The following DENND4C variants were observed in gnomAD, a reference collection of about 807,000 sequenced individuals.
DENND4C encodes the protein DENN domain-containing protein 4C.
A neutral mutation model predicts 203.0 loss-of-function variants in DENND4C; 108 were observed. The observed-to-expected ratio is 0.53, with a 90% confidence interval of 0.46 to 0.62. The LOEUF (loss-of-function observed/expected upper bound fraction) is 0.62, where lower values mean the gene tolerates loss of function less well. Ranked by LOEUF, DENND4C falls within the 20% of genes least tolerant of loss-of-function variation. DENND4C has a pLI of 0.00. For synonymous variants in DENND4C, 871 were observed against 792.4 expected (o/e 1.10, Z -1.67); for missense variants, 2,481 against 2,301.2 (o/e 1.08, Z -1.60).
chr9:19,357,848 G>A (rs567571089), intron 27 of DENND4C, 117 bp from the exon 28 acceptor site: 2 of 825,568 alleles, frequency 2.4e-6, no homozygotes, highest in East Asian at 5.4e-5. Context: ...AGGTGGTGCT[G>A]ATTCTTCTTA....
chr9:19,346,108 G>C lies in DENND4C; in HGVS notation c.3339G>C (p.Ser1113=). ...TGCTTAAGAAGAGTAGTTTGGATTC[G>C]AATTCAAGTGAAATGGCTATCATGA... The part of the protein sequence containing the change: ...GMLLKKSSLD[S]NSSEMAIMMG... Residue 1113 remains serine, a synonymous_variant, in exon 23 of 33, where the codon TCG becomes TCC. Coordinates refer to ENST00000434457, the MANE Select transcript of DENND4C (RefSeq NM_001330640.2). The C allele has an allele frequency of 3.7e-6, 6 of 1,614,184 alleles. No individual in the cohort carries two copies. The highest frequency in any genetic ancestry group is 5.1e-6 in the Non-Finnish European group (6 of 1,180,030).
intron 20 of DENND4C, among the ~76,000 whole-genome samples, chr9:19,338,297 G>A (rs1200002490): frequency 2.0e-5 from 3 of 151,798 alleles, no homozygotes; most frequent in Non-Finnish European, 4.4e-5. Context: ...GTATGAAAAC[G>A]TTTACCAGGA....
At chr9:19,283,895 A>G (rs1029594385) in intron 2 of DENND4C, among the ~76,000 whole-genome samples, 1 of 152,110 alleles carries the variant, frequency 6.6e-6, no homozygotes, top group African/African-American at 2.4e-5. Flanking sequence ...GCGCCCGCCC[A>G]GATGCATTTC....
intron 31 of DENND4C, chr9:19,371,459 A>G (rs934171719): frequency 8.3e-5 from 16 of 191,878 alleles, no homozygotes; most frequent in African/African-American, 3.5e-4. Flanking sequence ...AAGTTAAGCC[A>G]TTTTTGTTAC....
intron 26 of DENND4C, among the ~76,000 whole-genome samples, 162 bp from the exon 27 acceptor site, chr9:19,356,810 A>AGAGAGAGAGAGAGAGAGAGAGAGT (rs1447525810): frequency 1.5e-3 from 220 of 146,614 alleles, no homozygotes; most frequent in African/African-American, 2.6e-3. Context: ...AGAGAGAGAG[A>AGAGAGAGAGAGAGAGAGAGAGAGT]GAGAGAGTGA....
intron 1 of DENND4C, among the ~76,000 whole-genome samples, chr9:19,255,811 C>G (rs1404041729): frequency 6.6e-6 from 1 of 152,160 alleles, no homozygotes. Context: ...GTTGATAGCA[C>G]AAGTGGACAG....
At chr9:19,256,604 C>T (rs970035246) in intron 1 of DENND4C, among the ~76,000 whole-genome samples, 4 of 151,764 alleles carry the variant, frequency 2.6e-5, no homozygotes, top group African/African-American at 9.7e-5. Context: ...CGAGAGCCAC[C>T]ACGCCTGGCA....
chr9:19,294,130 G>C (rs1836932314), intron 5 of DENND4C, among the ~76,000 whole-genome samples: 1 of 152,146 alleles, frequency 6.6e-6, no homozygotes, highest in East Asian at 1.9e-4. Context: ...GTTCAGGGGA[G>C]AGGTCAGGTA....
chr9:19,363,317 CA>C (rs1826895759), intron 30 of DENND4C, among the ~76,000 whole-genome samples: 1 of 151,954 alleles, frequency 6.6e-6, no homozygotes, highest in Non-Finnish European at 1.5e-5. Context: ...AGTTCAAGAC[CA>C]GCATGGCCAA....
intron 17 of DENND4C, among the ~76,000 whole-genome samples, chr9:19,332,472 T>A (rs1819438849): frequency 6.6e-6 from 1 of 151,430 alleles, no homozygotes; most frequent in Non-Finnish European, 1.5e-5. Context: ...TTCTTGTGCC[T>A]CCCGAGTAGC....
At chr9:19,368,759 G>A (rs186342172) in intron 30 of DENND4C, among the ~76,000 whole-genome samples, 42 of 150,074 alleles carry the variant, frequency 2.8e-4, no homozygotes, top group Admixed American at 2.4e-3. Context: ...GTGATTGCAC[G>A]ACTTCACTCC....
At chr9:19,256,302 T>C (rs1175888350) in intron 1 of DENND4C, among the ~76,000 whole-genome samples, 1 of 72,172 alleles carries the variant, frequency 1.4e-5, no homozygotes, top group African/African-American at 6.2e-5. Flanking sequence ...TTTCTGTTTT[T>C]TTTTTTGTTT....
chr9:19,284,151 T>G (rs12006075), intron 2 of DENND4C, among the ~76,000 whole-genome samples: 5,642 of 152,312 alleles, frequency 0.037, 349 homozygotes, highest in African/African-American at 0.13. Flanking sequence ...CTAAGCTAAT[T>G]GAAAGGAAGT....
chr9:19,336,177 A>ATG, intron 18 of DENND4C, 93 bp from the exon 19 acceptor site: 1 of 1,109,232 alleles, frequency 9.0e-7, no homozygotes. Flanking sequence ...TTGTGTATAT[A>ATG]TATATATAAA....
chr9:19,319,472 G>C (rs912610921), intron 12 of DENND4C, among the ~76,000 whole-genome samples: 1 of 117,494 alleles, frequency 8.5e-6, no homozygotes, highest in Non-Finnish European at 1.8e-5. Context: ...AAATTTTGAG[G>C]GGGACACAGT....
chr9:19,320,405 G>A (rs1842686520), intron 12 of DENND4C, among the ~76,000 whole-genome samples: 1 of 152,026 alleles, frequency 6.6e-6, no homozygotes, highest in South Asian at 2.1e-4. Context: ...AGCCATGTTG[G>A]CCAGACTGGT....
intron 9 of DENND4C, among the ~76,000 whole-genome samples, chr9:19,303,907 C>A (rs906726693): frequency 5.3e-5 from 8 of 150,896 alleles, no homozygotes; most frequent in South Asian, 2.1e-4. Context: ...AGATGAGGGT[C>A]TCACTCTGTT....
rs1321291374 is a variant in DENND4C, at chr9:19,245,208, C to T, written c.-18+14375C>T. ...CCAGGGCCAGGTGCGGTGGCTCACGCCTGTAATCCCAGCACTTTGGGAGGC... is the reference window on the plus strand; with the variant it reads ...CCAGGGCCAGGTGCGGTGGCTCACGTCTGTAATCCCAGCACTTTGGGAGGC... On this transcript the variant is annotated intron_variant, in intron 1 of 32. Coordinates refer to ENST00000434457, the MANE Select transcript of DENND4C (RefSeq NM_001330640.2). Among the ~76,000 whole-genome samples the T allele has an allele frequency of 2.6e-5, 4 of 152,034 alleles. No individual in the cohort carries two copies. The East Asian group carries it at 7.7e-4, about 29-fold the overall frequency.
chr9:19,305,479 C>T lies in DENND4C; in HGVS notation c.1439C>T (p.Pro480Leu). ...VDSRYFDLHD[P>L]PQDVVCIDLD... ...TCAAGGTATTTTGATCTTCATGACC[C>T]ACCACAAGATGTTGTTTGCATTGAC... Residue 480 changes from proline (P) to leucine (L), a missense_variant, in exon 10 of 33, where the codon CCA becomes CTA. Coordinates refer to ENST00000434457, the MANE Select transcript of DENND4C (RefSeq NM_001330640.2). 6.2e-7 allele frequency: 1 copy of T among 1,613,686 alleles called. No homozygotes were observed. Among genetic ancestry groups the T allele is most frequent in the Non-Finnish European group, 8.5e-7 (1 of 1,179,930 alleles).
Sources: allele counts gnomAD v4.1 joint callset (sites outside exome capture counted in the v4.1 genomes callset), GRCh38; gene constraint gnomAD v4.1.1; transcripts MANE v1.5; gene names NCBI Gene and HGNC (gene_info 2026-07-23, HGNC 2026-07-21).